The following ALMS1 variants were observed in gnomAD, a reference collection of about 807,000 sequenced individuals.
ALMS1 encodes the protein centrosome-associated protein ALMS1.
In ALMS1, 271 loss-of-function variants were observed where a neutral mutation model predicts 352.2. The ratio of observed to expected loss-of-function variants is 0.77; its 90% CI spans 0.70 to 0.85. The LOEUF (loss-of-function observed/expected upper bound fraction) is 0.85, where lower values mean the gene tolerates loss of function less well. Ranked by LOEUF, ALMS1 falls within the 40% of genes least tolerant of loss-of-function variation. The pLI is 0.00. For missense variants in ALMS1, 5,445 were observed against 4,870.7 expected, an observed-to-expected ratio of 1.12 and a Z score of -3.51; for synonymous variants, 1,865 against 1,761.2, an observed-to-expected ratio of 1.06 and a Z score of -1.48.
chr2:73,418,033 T>A (rs748447267), intron 2 of ALMS1, among the ~76,000 whole-genome samples: 1 of 152,228 alleles, frequency 6.6e-6, no homozygotes, highest in African/African-American at 2.4e-5. Context: ...TATCTTTTTT[T>A]AGACCTAGAA....
At chr2:73,393,903 C>T (rs1670703464) in intron 1 of ALMS1, among the ~76,000 whole-genome samples, 1 of 151,714 alleles carries the variant, frequency 6.6e-6, no homozygotes, top group Non-Finnish European at 1.5e-5. Context: ...TCACTGCAAC[C>T]TCCACCTCCT....
chr2:73,599,908 A>G (rs1239003188), intron 17 of ALMS1, among the ~76,000 whole-genome samples: 1 of 152,370 alleles, frequency 6.6e-6, no homozygotes, highest in East Asian at 1.9e-4. Flanking sequence ...CCACTAAAAC[A>G]TTGTTTATAG....
At chr2:73,495,516 G>A (rs1439905730) in intron 10 of ALMS1, among the ~76,000 whole-genome samples, 1 of 152,250 alleles carries the variant, frequency 6.6e-6, no homozygotes, top group African/African-American at 2.4e-5. Context: ...GATTACAGAC[G>A]TGAGCCACCA....
chr2:73,476,502 T>C (rs1480164342), intron 9 of ALMS1, among the ~76,000 whole-genome samples: 3 of 152,086 alleles, frequency 2.0e-5, no homozygotes, highest in Non-Finnish European at 4.4e-5. Context: ...CTACACTGTT[T>C]ACATTCCCAC....
intron 16 of ALMS1, among the ~76,000 whole-genome samples, chr2:73,592,859 T>C (rs967466976): frequency 1.3e-5 from 2 of 152,172 alleles, no homozygotes; most frequent in South Asian, 2.1e-4. Context: ...ATCTCTGAGA[T>C]GGTACATTTA....
At chr2:73,602,862 G>A (rs534561136) in intron 20 of ALMS1, among the ~76,000 whole-genome samples, 10 of 152,332 alleles carry the variant, frequency 6.6e-5, no homozygotes, top group African/African-American at 2.2e-4. Flanking sequence ...TACCTAGTAA[G>A]TAAAAGCTAA....
intron 10 of ALMS1, among the ~76,000 whole-genome samples, chr2:73,495,959 G>A (rs1050147166): frequency 1.4e-4 from 21 of 152,088 alleles, no homozygotes; most frequent in African/African-American, 5.1e-4. Context: ...CTGCAGTTTC[G>A]AAGTTATCAT....
intron 9 of ALMS1, among the ~76,000 whole-genome samples, chr2:73,464,323 A>G (rs1461952717): frequency 2.0e-5 from 3 of 152,266 alleles, no homozygotes; most frequent in Admixed American, 2.0e-4. Context: ...TCCAGCATAT[A>G]CACAGAACCA....
chr2:73,452,027 C>T lies in ALMS1; in HGVS notation c.5500C>T (p.Pro1834Ser). 1 of 1,614,060 alleles carries T rather than the reference C, an allele frequency of 6.2e-7. No individual in the cohort carries two copies. Residue 1834 changes from proline to serine, a missense_variant, in exon 8 of 23, where the codon CCT (proline) becomes TCT (serine). Physicochemically the swap from Pro to Ser is moderately conservative, Grantham distance 74. Coordinates refer to ENST00000613296, the MANE Select transcript of ALMS1 (RefSeq NM_001378454.1). ...TEAGLKILRV[P>S]GPADQKTGIN... The stretch of plus-strand genomic sequence containing the variant: ...AGCAGGTTTGAAAATTTTAAGAGTT[C>T]CTGGACCAGCTGACCAGAAGACTGG...
chr2:73,448,721 G>A lies in ALMS1; in HGVS notation c.2194G>A (p.Asp732Asn), dbSNP rs753737852. Residue 732 changes from aspartate (D) to asparagine (N), a missense_variant, in exon 8 of 23, where the codon GAC becomes AAC. Coordinates refer to ENST00000613296, the MANE Select transcript of ALMS1 (RefSeq NM_001378454.1). The part of the protein sequence containing the change: ...PGIFYQQEFA[D>N]SHQTEETLTK... ...TATTTTTTACCAACAAGAGTTCGCA[G>A]ACAGTCATCAAACTGAAGAGACTCT... is the stretch of plus-strand genomic sequence containing the variant. 6.2e-7 allele frequency: 1 copy of A among 1,605,476 alleles called. No individual in the cohort carries two copies. Among genetic ancestry groups the A allele is most frequent in the South Asian group, 1.1e-5 (1 of 90,504 alleles).
chr2:73,478,996 A>G (rs558995725), intron 9 of ALMS1, among the ~76,000 whole-genome samples: 1 of 152,254 alleles, frequency 6.6e-6, no homozygotes, highest in African/African-American at 2.4e-5. Flanking sequence ...GGCTTCATCC[A>G]TGTCCCAGCA....
At position 73,491,106 on chromosome 2, in the gene ALMS1, A is replaced by G; in HGVS notation, c.9147A>G (p.Ile3049Met). Reference sequence around the variant, plus strand: ...GAAAAGCACTTTCTTGTGTTCATATAACTCTTTGTCCCAAGACTTCTTCCA... The same window carrying G: ...GAAAAGCACTTTCTTGTGTTCATATGACTCTTTGTCCCAAGACTTCTTCCA... ...SNRKALSCVH[I>M]TLCPKTSSKL... The change falls in exon 10 of 23, where the codon ATA becomes ATG. Residue 3049 changes from isoleucine (I) to methionine (M), a missense_variant. Ile to Met is a conservative substitution (Grantham distance 10). Transcript: ENST00000613296. 6.2e-7 allele frequency: 1 copy of G among 1,614,186 alleles called. No individual in the cohort carries two copies. The highest frequency in any genetic ancestry group is 8.5e-7 in the Non-Finnish European group (1 of 1,180,022).
At chr2:73,495,604 CATGCTCATTGCTGGTGGG>C (rs980158891) in intron 10 of ALMS1, among the ~76,000 whole-genome samples, 55 of 152,272 alleles carry the variant, frequency 3.6e-4, no homozygotes, top group African/African-American at 1.3e-3. Flanking sequence ...AAGGACCTGG[CATGCTCATTGCTGGTGGG>C]ATGTTGCTGT....
Position 73,558,980 on chromosome 2 carries a change from G to A in ALMS1, c.10222G>A (p.Ala3408Thr). ...TAATTTCCCTTTCGTAGATTCCAGT[G>A]CTGCTGCTGCTGCAGAGCACTCAGC... ...SLQKDTADSS[A>T]AAAAEHSAQV... is the part of the protein sequence containing the mutation. The change falls in exon 15 of 23, where the codon GCT becomes ACT. Residue 3408 changes from alanine to threonine, a missense_variant. By Grantham distance (58) the Ala-to-Thr change is moderately conservative. Transcript: ENST00000613296. 1 of 1,612,570 alleles carries A rather than the reference G, an allele frequency of 6.2e-7. No homozygotes were observed. The highest frequency in any genetic ancestry group is 1.7e-4 in the Middle Eastern group (1 of 6,060).
chr2:73,541,136 A>G (rs1213060110), intron 12 of ALMS1, among the ~76,000 whole-genome samples: 1 of 152,224 alleles, frequency 6.6e-6, no homozygotes, highest in African/African-American at 2.4e-5. Flanking sequence ...AGCACTCCTC[A>G]GCAAATGTAA....
chr2:73,596,993 G>A (rs973814613), intron 16 of ALMS1, among the ~76,000 whole-genome samples: 13 of 147,880 alleles, frequency 8.8e-5, no homozygotes, highest in African/African-American at 2.5e-4. Flanking sequence ...TAGAGATTGT[G>A]TAGAATCAAC....
intron 7 of ALMS1, among the ~76,000 whole-genome samples, chr2:73,445,946 C>T (rs1671804542): frequency 1.3e-5 from 2 of 152,088 alleles, no homozygotes; most frequent in South Asian, 4.2e-4. Flanking sequence ...ATAATAAGGA[C>T]TCTAAAAACA....
chr2:73,564,797 T>C (rs1674769350), intron 15 of ALMS1, among the ~76,000 whole-genome samples: 1 of 152,178 alleles, frequency 6.6e-6, no homozygotes, highest in Admixed American at 6.5e-5. Context: ...AACACGTCCA[T>C]GTAGAAGGGG....
Position 73,448,471 on chromosome 2 carries a change from T to G in ALMS1, c.1944T>G (p.Val648=). 1 of 1,613,168 alleles carries G rather than the reference T, an allele frequency of 6.2e-7. No homozygotes were observed. The highest frequency in any genetic ancestry group is 1.1e-5 in the South Asian group (1 of 91,026). Residue 648 remains valine, a synonymous_variant, in exon 8 of 23, where the codon GTT becomes GTG. Coordinates refer to ENST00000613296, the MANE Select transcript of ALMS1 (RefSeq NM_001378454.1). The stretch of plus-strand genomic sequence containing the variant: ...ACTTAACCGAAGAGCCTTTGGAAGT[T>G]TCAGCTGCTCCTGGCCCAGTGGAGC... ...ESNLTEEPLE[V]SAAPGPVEQK...
Sources: allele counts gnomAD v4.1 joint callset (sites outside exome capture counted in the v4.1 genomes callset), GRCh38; gene constraint gnomAD v4.1.1; transcripts MANE v1.5; gene names NCBI Gene and HGNC (gene_info 2026-07-23, HGNC 2026-07-21).